Variants in TRPV1 observed in about 807,000 individuals in gnomAD.
TRPV1 encodes the protein transient receptor potential cation channel subfamily V member 1, also known as OTRPC1.
In TRPV1, 82 loss-of-function variants were observed where a neutral mutation model predicts 82.3. That is an observed-to-expected ratio of 1.00 (90% CI 0.83 to 1.20). TRPV1 has a LOEUF of 1.20. Among genes scored for constraint, TRPV1 ranks in the 50% most tolerant of loss-of-function variants. The pLI, the probability that TRPV1 is intolerant of heterozygous loss-of-function variation, is 0.00. For missense variants in TRPV1, 1,067 were observed against 1,096.8 expected, an observed-to-expected ratio of 0.97 and a Z score of 0.38; for synonymous variants, 515 against 467.7, an observed-to-expected ratio of 1.10 and a Z score of -1.30.
At chr17:3,567,218 A>C (rs1440056946) in intron 16 of TRPV1, among the ~76,000 whole-genome samples, 5 of 151,358 alleles carry the variant, frequency 3.3e-5, no homozygotes, top group Non-Finnish European at 7.4e-5. Context: ...AAAAAAAAAA[A>C]AATTGGCCGG....
intron 8 of TRPV1, among the ~76,000 whole-genome samples, chr17:3,587,686 C>T (rs758233185): frequency 4.6e-5 from 7 of 151,914 alleles, no homozygotes; most frequent in Admixed American, 3.9e-4. Flanking sequence ...GGCCTGGTGG[C>T]GCATGCCTGT....
intron 2 of TRPV1, among the ~76,000 whole-genome samples, chr17:3,596,697 G>A (rs1338566956): frequency 1.3e-5 from 2 of 152,206 alleles, no homozygotes; most frequent in Non-Finnish European, 2.9e-5. Context: ...AAGGAGCCAG[G>A]CTGAGGGCAC....
chr17:3,587,781 C>A (rs1034296438), intron 8 of TRPV1, among the ~76,000 whole-genome samples: 2 of 151,510 alleles, frequency 1.3e-5, no homozygotes, highest in East Asian at 1.9e-4. Flanking sequence ...CCATTTCACT[C>A]CAGCCTGGGT....
intron 2 of TRPV1, among the ~76,000 whole-genome samples, chr17:3,603,387 G>A (rs752493017): frequency 6.6e-6 from 1 of 152,176 alleles, no homozygotes; most frequent in Non-Finnish European, 1.5e-5. Context: ...CAAGAGGGAC[G>A]AGGGCCAATG....
rs1030979224 is a variant in TRPV1, at chr17:3,589,994, T to A, written c.857A>T (p.Asn286Ile). The A allele has an allele frequency of 6.4e-6, 10 of 1,560,628 alleles. No homozygotes were observed. Among genetic ancestry groups the A allele is most frequent in the Non-Finnish European group, 8.7e-6 (10 of 1,152,904 alleles). The change falls in exon 7 of 17, where the codon AAC becomes ATC. Residue 286 changes from asparagine (N) to isoleucine (I), a missense_variant. By Grantham distance (149) the Asn-to-Ile change is moderately radical (BLOSUM62 -3). Transcript: ENST00000572705. ...CTCCACCAGGGCGTGCAGCACCGTG[T>A]TGCCCACCGAGTCCCTGGCGCTGAT... ...ADISARDSVG[N>I]TVLHALVEVA...
At chr17:3,608,238 A>C (rs892430983) in intron 2 of TRPV1, 189 bp downstream of exon 2, 19 of 151,956 alleles carry the variant, frequency 1.3e-4, no homozygotes, top group African/African-American at 3.9e-4. Flanking sequence ...GGCAAAAAAA[A>C]CTAGCACGAA....
chr17:3,594,324 C>CTTT (rs79268135), intron 2 of TRPV1, among the ~76,000 whole-genome samples: 1 of 137,500 alleles, frequency 7.3e-6, no homozygotes, highest in African/African-American at 2.7e-5. Context: ...CCTGCATTTT[C>CTTT]TTTTTTTTTT....
intron 16 of TRPV1, among the ~76,000 whole-genome samples, chr17:3,569,462 C>T (rs1308145467): frequency 6.6e-6 from 1 of 152,158 alleles, no homozygotes; most frequent in Non-Finnish European, 1.5e-5. Flanking sequence ...CTGCAATTCC[C>T]AAGAGAAGTG....
intron 2 of TRPV1, among the ~76,000 whole-genome samples, chr17:3,598,574 T>TC (rs1478737885): frequency 6.7e-6 from 1 of 150,186 alleles, no homozygotes; most frequent in Non-Finnish European, 1.5e-5. Context: ...TTTTTTTTTT[T>TC]TTTTTTTTTT....
intron 2 of TRPV1, among the ~76,000 whole-genome samples, chr17:3,603,875 G>C (rs1025434081): frequency 2.0e-5 from 3 of 152,104 alleles, no homozygotes; most frequent in Non-Finnish European, 4.4e-5. Flanking sequence ...CTCTCCTGAG[G>C]GCCCACCATG....
At position 3,585,765 on chromosome 17, in the gene TRPV1, C is replaced by T; in HGVS notation, c.1383+3G>A. 2 of 1,612,592 alleles carry T rather than the reference C, an allele frequency of 1.2e-6. No individual in the cohort carries two copies. Among genetic ancestry groups the T allele is most frequent in the Non-Finnish European group, 1.7e-6 (2 of 1,179,270 alleles). On this transcript the variant is annotated splice_donor_region_variant and intron_variant, in intron 9 of 16. Coordinates refer to ENST00000572705, the MANE Select transcript of TRPV1 (RefSeq NM_080704.4). ...CCCACGAGGCCTGAGCCTCTGGCCG[C>T]ACCAAGCCATCCACGGGCCTGTAGT...
At chr17:3,576,668 A>AAAAATAAAAATAT in intron 13 of TRPV1, among the ~76,000 whole-genome samples, 1 of 38,390 alleles carries the variant, frequency 2.6e-5, no homozygotes, top group Non-Finnish European at 5.3e-5. Flanking sequence ...AAAAAAAAAA[A>AAAAATAAAAATAT]ATATATATAT....
chr17:3,582,098 G>T (rs992816963), intron 10 of TRPV1, among the ~76,000 whole-genome samples: 1 of 145,160 alleles, frequency 6.9e-6, no homozygotes, highest in Non-Finnish European at 1.5e-5. Flanking sequence ...GCTGAGGCAG[G>T]AGAATGGCGT....
At chr17:3,583,286 G>C (rs2075044211) in intron 10 of TRPV1, 52 bp downstream of exon 10, 10 of 1,482,694 alleles carry the variant, frequency 6.7e-6, no homozygotes, top group African/African-American at 1.4e-5. Context: ...GATCTTCTTG[G>C]CTTTTTGTTT....
chr17:3,599,490 TTAAC>T (rs1299792774), intron 2 of TRPV1, among the ~76,000 whole-genome samples: 5 of 152,062 alleles, frequency 3.3e-5, no homozygotes, highest in Non-Finnish European at 7.3e-5. Flanking sequence ...CTTTATGAAT[TTAAC>T]TATTCTAGGA....
chr17:3,568,259 T>C (rs1378122134), intron 16 of TRPV1, among the ~76,000 whole-genome samples: 3 of 150,622 alleles, frequency 2.0e-5, no homozygotes, highest in Admixed American at 1.3e-4. Flanking sequence ...GAGGTGGAGC[T>C]TGCAGTGAGC....
At chr17:3,582,012 AACCCCG>A in intron 10 of TRPV1, among the ~76,000 whole-genome samples, 1 of 147,238 alleles carries the variant, frequency 6.8e-6, no homozygotes, top group Non-Finnish European at 1.5e-5. Context: ...AACACGGTGA[AACCCCG>A]TCTCTACTAA....
intron 11 of TRPV1, among the ~76,000 whole-genome samples, chr17:3,579,013 T>C (rs761186001): frequency 2.6e-5 from 4 of 151,914 alleles, no homozygotes; most frequent in African/African-American, 7.3e-5. Flanking sequence ...AACAAACACT[T>C]AGGATTCCAA....
At chr17:3,593,221 G>A (rs956222557) in intron 2 of TRPV1, among the ~76,000 whole-genome samples, 12 of 151,916 alleles carry the variant, frequency 7.9e-5, no homozygotes, top group Admixed American at 2.6e-4. Flanking sequence ...AGGTTCAAGC[G>A]ATTCTCCTCC....
Sources: gnomAD v4.1 joint callset for allele counts (sites outside exome capture counted in the v4.1 genomes callset) on GRCh38, gnomAD v4.1.1 for gene constraint, MANE v1.5 for transcripts, NCBI Gene and HGNC (gene_info 2026-07-23, HGNC 2026-07-21) for gene names.